DAB2IP: variants seen among roughly 807,000 people sequenced by gnomAD.
DAB2IP encodes DAB2 interacting protein.
In DAB2IP, 28 loss-of-function variants were observed where a neutral mutation model predicts 107.2. That is an observed-to-expected ratio of 0.26 (90% CI 0.19 to 0.36). The LOEUF (loss-of-function observed/expected upper bound fraction) is 0.36, where lower values mean the gene tolerates loss of function less well. Among genes scored for constraint, DAB2IP ranks in the 10% least tolerant of loss-of-function variants. DAB2IP has a pLI of 1.00. For synonymous variants in DAB2IP, 755 were observed against 706.4 expected, an observed-to-expected ratio of 1.07 and a Z score of -1.09; for missense variants, 1,400 against 1,644.7, an observed-to-expected ratio of 0.85 and a Z score of 2.57.
chr9:121,724,609 G>A (rs1217086401), intron 3 of DAB2IP, among the ~76,000 whole-genome samples: 3 of 152,180 alleles, frequency 2.0e-5, no homozygotes, highest in South Asian at 2.1e-4. Context: ...ACCTAGAATC[G>A]GGCCTGACAG....
intron 1 of DAB2IP, among the ~76,000 whole-genome samples, chr9:121,656,574 C>G (rs1435374672): frequency 6.6e-6 from 1 of 152,220 alleles, no homozygotes; most frequent in Non-Finnish European, 1.5e-5. Context: ...CTAGCCTTTC[C>G]AGTCCCTCCT....
intron 10 of DAB2IP, among the ~76,000 whole-genome samples, chr9:121,769,825 G>A (rs1303361126): frequency 6.6e-6 from 1 of 152,238 alleles, no homozygotes; most frequent in Non-Finnish European, 1.5e-5. Flanking sequence ...AAGAATGGAA[G>A]GTGATCAGTA....
At chr9:121,570,835 A>G (rs921503141) in intron 1 of DAB2IP, among the ~76,000 whole-genome samples, 1 of 152,050 alleles carries the variant, frequency 6.6e-6, no homozygotes, top group African/African-American at 2.4e-5. Flanking sequence ...GGCATGAGCC[A>G]CAGTGCCGGC....
At chr9:121,783,256 A>ACCCACAGCTT in exon 16 of DAB2IP, 1 of 1,317,814 alleles carries the variant, frequency 7.6e-7, no homozygotes, top group Admixed American at 3.2e-5. Flanking sequence ...TGTGGGGAGG[A>ACCCACAGCTT]CCCACAGCTT....
rs1361581760 is a variant in DAB2IP, at chr9:121,599,008, T to C, written c.40+31780T>C. Among the ~76,000 whole-genome samples, 1 of 152,120 alleles carries C rather than the reference T, an allele frequency of 6.6e-6. No homozygotes were observed. The highest frequency in any genetic ancestry group is 1.9e-4 in the East Asian group (1 of 5,162). On this transcript the variant is annotated intron_variant, in intron 1 of 16. Transcript: ENST00000259371. This position sits in a 1 kb window ranked among gnomAD's most constrained non-coding sequence, Gnocchi z 6.9. Reference sequence around the variant, plus strand: ...TGTTGGTGGGAGTGCTGGGGTGCCTTCCCTGTGACACCCCGCACTGTCCCC... The same window carrying C: ...TGTTGGTGGGAGTGCTGGGGTGCCTCCCCTGTGACACCCCGCACTGTCCCC...
intron 1 of DAB2IP, among the ~76,000 whole-genome samples, chr9:121,606,198 A>T (rs1830865081): frequency 6.6e-6 from 1 of 152,004 alleles, no homozygotes; most frequent in Non-Finnish European, 1.5e-5. Flanking sequence ...AAAAAGAAAA[A>T]AAAATAAAGA....
intron 14 of DAB2IP, 22 bp from the exon 15 acceptor site, chr9:121,781,442 C>T (rs767596460): frequency 9.3e-6 from 15 of 1,613,022 alleles, no homozygotes; most frequent in East Asian, 2.2e-5. Context: ...GCCAGTCTGA[C>T]TGTCTCTGTC....
At chr9:121,580,850 C>A (rs1331029570) in intron 1 of DAB2IP, among the ~76,000 whole-genome samples, 1 of 152,190 alleles carries the variant, frequency 6.6e-6, no homozygotes, top group East Asian at 1.9e-4. Flanking sequence ...TGGTCTCAAT[C>A]TCCTGACCTC....
At chr9:121,640,684 C>G (rs573459749) in intron 1 of DAB2IP, among the ~76,000 whole-genome samples, 531 of 152,306 alleles carry the variant, frequency 3.5e-3, no homozygotes, top group African/African-American at 0.012. Context: ...AGCCCCAACT[C>G]TCCAACTGGC....
At chr9:121,700,996 G>C (rs1292464250) in intron 3 of DAB2IP, among the ~76,000 whole-genome samples, 1 of 152,242 alleles carries the variant, frequency 6.6e-6, no homozygotes, top group Non-Finnish European at 1.5e-5. Flanking sequence ...CACCCGGTTT[G>C]CTGCCTTCCT....
At position 121,699,580 on chromosome 9, in the gene DAB2IP, C is replaced by A; in HGVS notation, c.362+122C>A. ...CACACGGCGGTGGGGGGACCCCACG[C>A]CGCCCGCCGGGAACTTATGGGGCCA... On this transcript the variant is annotated intron_variant, in intron 3 of 15. Coordinates refer to ENST00000408936, the Ensembl canonical transcript of DAB2IP. This position sits in a 1 kb window ranked among gnomAD's most constrained non-coding sequence, Gnocchi z 6.2. The A allele has an allele frequency of 2.2e-6, 2 of 917,900 alleles. No homozygotes were observed. Among genetic ancestry groups the A allele is most frequent in the Non-Finnish European group, 2.7e-6 (2 of 733,600 alleles). 56.9% of individuals were successfully genotyped at this position (917,900 alleles called of 1,614,324 possible).
At chr9:121,692,468 A>C (rs1323733150) in intron 2 of DAB2IP, among the ~76,000 whole-genome samples, 4 of 152,098 alleles carry the variant, frequency 2.6e-5, no homozygotes, top group African/African-American at 9.7e-5. Context: ...AACATGTTTA[A>C]GTGTGTCTTT....
intron 1 of DAB2IP, among the ~76,000 whole-genome samples, chr9:121,572,921 T>G (rs1378446453): frequency 6.6e-6 from 1 of 152,148 alleles, no homozygotes; most frequent in African/African-American, 2.4e-5. Context: ...AGCATGGGCA[T>G]CTACCTCAGG....
At chr9:121,757,283 T>G in intron 4 of DAB2IP, 117 bp downstream of exon 4, 1 of 1,339,110 alleles carries the variant, frequency 7.5e-7, no homozygotes, top group Non-Finnish European at 1.0e-6. Context: ...GCCAGGGTCT[T>G]GGGGACAGTG....
chr9:121,650,782 G>A (rs919446814), upstream of DAB2IP, among the ~76,000 whole-genome samples: 3 of 152,190 alleles, frequency 2.0e-5, no homozygotes, highest in African/African-American at 7.2e-5. Flanking sequence ...ACTTTGGTCG[G>A]GTGGAGAAAA....
chr9:121,581,279 C>T lies in DAB2IP; in HGVS notation c.40+14051C>T, dbSNP rs187052619. On this transcript the variant is annotated intron_variant, in intron 1 of 16. Transcript: ENST00000259371. Reference sequence around the variant, plus strand: ...GTGGGGTTCCTGGACTGGCTACCTTCGCCAGACCTGCTCAGCCTCCAGTTC... The same window carrying T: ...GTGGGGTTCCTGGACTGGCTACCTTTGCCAGACCTGCTCAGCCTCCAGTTC... Among the ~76,000 whole-genome samples the T allele has an allele frequency of 5.8e-3, 885 of 152,306 alleles. 4 individuals carry two copies. Among genetic ancestry groups the T allele is most frequent in the Non-Finnish European group, 9.4e-3 (637 of 68,024 alleles).
At chr9:121,659,813 G>C (rs1052805793) in intron 1 of DAB2IP, among the ~76,000 whole-genome samples, 3 of 151,994 alleles carry the variant, frequency 2.0e-5, no homozygotes, top group Admixed American at 6.6e-5. Context: ...AAAAAGAAAA[G>C]AAAAAGAAAG....
At chr9:121,604,706 T>C (rs12552909) in intron 1 of DAB2IP, among the ~76,000 whole-genome samples, 35,772 of 152,140 alleles carry the variant, frequency 0.24, 5,054 homozygotes, top group East Asian at 0.37. Context: ...CTTGTAGCTC[T>C]TTCTTACTAA....
chr9:121,768,491 C>A, exon 10 of DAB2IP: 6 of 1,614,204 alleles, frequency 3.7e-6, no homozygotes, highest in Non-Finnish European at 5.1e-6. Flanking sequence ...CATGAGTGGA[C>A]CAACATGCAG....
Sources: gnomAD v4.1 joint callset for allele counts (sites outside exome capture counted in the v4.1 genomes callset) on GRCh38, gnomAD v4.1.1 for gene constraint, Gnocchi (gnomAD v3.1) non-coding constraint, MANE v1.5 for transcripts, NCBI Gene and HGNC (gene_info 2026-07-23, HGNC 2026-07-21) for gene names.